The following PDE10A variants were observed in gnomAD, a reference collection of about 807,000 sequenced individuals.
PDE10A encodes the protein cAMP and cAMP-inhibited cGMP 3',5'-cyclic phosphodiesterase 10A.
PDE10A carries 39 observed loss-of-function variants against 97.7 expected under a neutral mutation model. The ratio of observed to expected loss-of-function variants is 0.40; its 90% CI spans 0.31 to 0.52. The LOEUF is 0.52. PDE10A is among the 20% of genes least tolerant of loss of function. The pLI, the probability that PDE10A is intolerant of heterozygous loss-of-function variation, is 0.56. For missense variants in PDE10A, 731 were observed against 1,047.8 expected (o/e 0.70, Z 4.17); for synonymous variants, 371 against 376.8 (o/e 0.98, Z 0.18).
intron 1 of PDE10A, among the ~76,000 whole-genome samples, chr6:165,698,710 C>A (rs1039828156): frequency 1.3e-5 from 2 of 151,878 alleles, no homozygotes; most frequent in Non-Finnish European, 2.9e-5. Flanking sequence ...ATTAGCCAGA[C>A]GTGGCGGCAT....
chr6:165,950,500 A>G (rs1470406603), intron 1 of PDE10A, among the ~76,000 whole-genome samples: 1 of 152,164 alleles, frequency 6.6e-6, no homozygotes, highest in East Asian at 1.9e-4. Flanking sequence ...TAGGAAGGAC[A>G]CCGGGCGGGA....
At chr6:165,715,796 G>C (rs1255247770) in intron 1 of PDE10A, among the ~76,000 whole-genome samples, 1 of 152,146 alleles carries the variant, frequency 6.6e-6, no homozygotes, top group African/African-American at 2.4e-5. Flanking sequence ...CGGGCACCGT[G>C]GTCAGAAGGC....
intron 3 of PDE10A, among the ~76,000 whole-genome samples, chr6:165,459,673 T>C (rs1338464463): frequency 6.6e-6 from 1 of 152,106 alleles, no homozygotes; most frequent in Non-Finnish European, 1.5e-5. Flanking sequence ...CTAATCCTCA[T>C]TGCCAGGCTG....
chr6:165,791,209 G>A (rs1229948137), intron 1 of PDE10A, among the ~76,000 whole-genome samples: 1 of 151,724 alleles, frequency 6.6e-6, no homozygotes, highest in African/African-American at 2.4e-5. Flanking sequence ...TTGGCCTCCC[G>A]AAGCGTTGGA....
intron 7 of PDE10A, 48 bp from the exon 8 acceptor site, chr6:165,431,520 A>G (rs765411730): frequency 1.7e-5 from 13 of 783,492 alleles, no homozygotes; most frequent in African/African-American, 3.7e-5. Context: ...TACATAACGT[A>G]TATATATATA....
intron 1 of PDE10A, among the ~76,000 whole-genome samples, chr6:165,583,257 T>C (rs1351559632): frequency 6.6e-6 from 1 of 152,198 alleles, no homozygotes; most frequent in African/African-American, 2.4e-5. Flanking sequence ...CTGAGCTATG[T>C]TTCAAAACAA....
intron 1 of PDE10A, among the ~76,000 whole-genome samples, chr6:165,568,260 A>C (rs570696921): frequency 8.6e-4 from 131 of 152,128 alleles, no homozygotes; most frequent in South Asian, 1.7e-3. Context: ...CGGCCTCCCA[A>C]AGTGCTGGGA....
chr6:165,339,527 T>C (rs1781851574), intron 19 of PDE10A, among the ~76,000 whole-genome samples, 169 bp from the exon 20 acceptor site: 1 of 152,230 alleles, frequency 6.6e-6, no homozygotes, highest in African/African-American at 2.4e-5. Flanking sequence ...TAATGTATCA[T>C]TATTTTGTAC....
rs1405798101 is a variant in PDE10A, at chr6:165,388,164, A to G, written c.2610+134T>C. On this transcript the variant is annotated intron_variant, in intron 17 of 21. Coordinates refer to ENST00000539869, the MANE Select transcript of PDE10A (RefSeq NM_001385079.1). This position sits in a 1 kb window ranked among gnomAD's most constrained non-coding sequence, Gnocchi z 4.0. Reference sequence around the variant, plus strand: ...CACTATTATTTAATGATGACTATAAATATAAGGTTCTACAATAAAAAGTAG... The same window carrying G: ...CACTATTATTTAATGATGACTATAAGTATAAGGTTCTACAATAAAAAGTAG... The G allele has an allele frequency of 3.9e-5, 28 of 712,896 alleles. No homozygotes were observed. The highest frequency in any genetic ancestry group is 6.5e-5 in the Non-Finnish European group (27 of 417,508). 44.2% of individuals were successfully genotyped at this position (712,896 alleles called of 1,614,324 possible). A position where few individuals can be genotyped will look rare whatever the true frequency, so the allele number is the denominator to read the frequency against.
At chr6:165,403,030 T>A (rs976616764) in intron 13 of PDE10A, among the ~76,000 whole-genome samples, 3 of 152,218 alleles carry the variant, frequency 2.0e-5, no homozygotes, top group Non-Finnish European at 4.4e-5. Flanking sequence ...ACTAATTGTA[T>A]ACATTTAGGC....
intron 1 of PDE10A, among the ~76,000 whole-genome samples, chr6:165,889,953 C>T (rs1265356696): frequency 1.0e-3 from 85 of 84,568 alleles, no homozygotes; most frequent in East Asian, 3.5e-3. Flanking sequence ...CCTCCCTCCT[C>T]CCTCCCTCAC....
At chr6:165,899,099 C>A (rs1212943007) in intron 1 of PDE10A, among the ~76,000 whole-genome samples, 1 of 152,200 alleles carries the variant, frequency 6.6e-6, no homozygotes, top group Non-Finnish European at 1.5e-5. Flanking sequence ...CTTTCCCTGG[C>A]ATCCAGAAGA....
intron 1 of PDE10A, among the ~76,000 whole-genome samples, chr6:165,572,752 C>T (rs1204264773): frequency 6.6e-6 from 1 of 152,154 alleles, no homozygotes; most frequent in East Asian, 1.9e-4. Flanking sequence ...GGGAGGATCA[C>T]CTGAGCTCAG....
At chr6:165,395,987 G>A (rs1163789521) in intron 14 of PDE10A, among the ~76,000 whole-genome samples, 1 of 152,090 alleles carries the variant, frequency 6.6e-6, no homozygotes, top group Non-Finnish European at 1.5e-5. Context: ...AATGAGAACT[G>A]TTTGATATCT....
chr6:165,386,962 G>C (rs1785351033), intron 17 of PDE10A, among the ~76,000 whole-genome samples: 1 of 152,014 alleles, frequency 6.6e-6, no homozygotes, highest in African/African-American at 2.4e-5. Flanking sequence ...CGTGCAGTGA[G>C]CCCAGATCGC....
At chr6:165,804,998 T>G (rs528298024) in intron 1 of PDE10A, among the ~76,000 whole-genome samples, 1 of 92,834 alleles carries the variant, frequency 1.1e-5, no homozygotes, top group Non-Finnish European at 2.1e-5. Context: ...GGAGCGAGCA[T>G]AGGGGCGCAC....
chr6:165,554,532 T>C (rs998947147), intron 1 of PDE10A, among the ~76,000 whole-genome samples: 2 of 152,136 alleles, frequency 1.3e-5, no homozygotes, highest in African/African-American at 2.4e-5. Context: ...GGCGAGGATG[T>C]AGAGAAAAGG....
At chr6:165,464,113 T>C (rs999343944) in intron 3 of PDE10A, among the ~76,000 whole-genome samples, 1 of 152,222 alleles carries the variant, frequency 6.6e-6, no homozygotes, top group African/African-American at 2.4e-5. Flanking sequence ...CATATTTCTT[T>C]GTGTGTGTCT....
chr6:165,619,579 G>A (rs142625747), intron 1 of PDE10A, among the ~76,000 whole-genome samples: 1,284 of 123,062 alleles, frequency 0.01, 512 homozygotes, highest in Non-Finnish European at 0.014. Flanking sequence ...GTAGTCTAGC[G>A]TAGTGTACTG....
Sources: allele counts gnomAD v4.1 joint callset (sites outside exome capture counted in the v4.1 genomes callset), GRCh38; gene constraint gnomAD v4.1.1; non-coding constraint Gnocchi (gnomAD v3.1); transcripts MANE v1.5; gene names NCBI Gene and HGNC (gene_info 2026-07-23, HGNC 2026-07-21).